The following AKR1C3 variants were observed in gnomAD, a reference collection of about 807,000 sequenced individuals.
AKR1C3 encodes the protein aldo-keto reductase family 1 member C3.
In AKR1C3, 48 loss-of-function variants were observed where a neutral mutation model predicts 43.6. That is an observed-to-expected ratio of 1.10 (90% CI 0.87 to 1.40). AKR1C3 has a LOEUF of 1.40. Ranked by LOEUF, AKR1C3 falls within the 40% of genes most tolerant of loss-of-function variation. The pLI is 0.00. For synonymous variants in AKR1C3, 162 were observed against 139.6 expected (o/e 1.16, Z -1.13); for missense variants, 482 against 391.2 (o/e 1.23, Z -1.96).
At chr10:5,096,652 A>G (rs1379957687) in intron 2 of AKR1C3, 75 bp downstream of exon 2, 32 of 1,499,228 alleles carry the variant, frequency 2.1e-5, no homozygotes, top group Non-Finnish European at 2.6e-5. Flanking sequence ...CTATGACTGG[A>G]TGAGTAGTTG....
chr10:5,092,174 CT>C (rs782347487), upstream of AKR1C3, among the ~76,000 whole-genome samples: 2 of 152,026 alleles, frequency 1.3e-5, no homozygotes, highest in African/African-American at 2.4e-5. Flanking sequence ...ATTTATTGTT[CT>C]GTACATAATA....
intron 1 of AKR1C3, among the ~76,000 whole-genome samples, chr10:5,060,732 G>T (rs1564354649): frequency 6.6e-6 from 1 of 152,140 alleles, no homozygotes; most frequent in Non-Finnish European, 1.5e-5. Context: ...GCGCTGTGGA[G>T]CAGGGGGTGG....
chr10:5,056,830 C>T (rs1258385069), intron 1 of AKR1C3, among the ~76,000 whole-genome samples: 3 of 152,194 alleles, frequency 2.0e-5, no homozygotes, highest in Non-Finnish European at 4.4e-5. Context: ...GTGAAAAGAG[C>T]AAAGTCTCCC....
chr10:5,091,869 A>C (rs1839098105), upstream of AKR1C3, among the ~76,000 whole-genome samples: 1 of 152,128 alleles, frequency 6.6e-6, no homozygotes, highest in Non-Finnish European at 1.5e-5. Context: ...ACATTTTGCC[A>C]TATGTATACC....
chr10:5,086,513 G>C (rs1838968355), intron 1 of AKR1C3, among the ~76,000 whole-genome samples: 1 of 151,738 alleles, frequency 6.6e-6, no homozygotes. Context: ...GTCAATTTTG[G>C]AGTAGGTGTG....
At chr10:5,055,040 G>A (rs781926208) in intron 1 of AKR1C3, among the ~76,000 whole-genome samples, 1 of 152,240 alleles carries the variant, frequency 6.6e-6, no homozygotes, top group Non-Finnish European at 1.5e-5. Context: ...AAGCATACTT[G>A]CTATCTGTAT....
chr10:5,102,368 C>G, intron 6 of AKR1C3, 117 bp from the exon 7 acceptor site: 9 of 1,580,034 alleles, frequency 5.7e-6, no homozygotes, highest in Non-Finnish European at 7.8e-6. Context: ...GATGGTGATG[C>G]TCGGGGGCCT....
chr10:5,062,252 G>A (rs569840752), intron 1 of AKR1C3, among the ~76,000 whole-genome samples: 1 of 152,312 alleles, frequency 6.6e-6, no homozygotes, highest in East Asian at 1.9e-4. Context: ...GCTTTCTCAA[G>A]TCAGGTCTCC....
chr10:5,057,504 G>A (rs1554779734), intron 1 of AKR1C3, among the ~76,000 whole-genome samples: 4 of 148,838 alleles, frequency 2.7e-5, no homozygotes, highest in Admixed American at 2.0e-4. Flanking sequence ...AGAATCAATT[G>A]ACCCTCGAGT....
Position 5,102,366 on chromosome 10 carries a change from T to C in AKR1C3, c.681-119T>C, listed in dbSNP as rs975721269. 3.0e-5 allele frequency: 47 copies of C among 1,585,732 alleles called. No homozygotes were observed. In the South Asian group the frequency reaches 4.5e-4, roughly 15 times the overall value. ...AGATCTTGGATGATGCTGATGGTGA[T>C]GCTCGGGGGCCTCGCTTGAGAAGCT... is the stretch of plus-strand genomic sequence containing the variant. On this transcript the variant is annotated intron_variant, in intron 6 of 8. Transcript: ENST00000380554.
At chr10:5,105,463 T>C in intron 7 of AKR1C3, 132 bp from the exon 8 acceptor site, 1 of 631,332 alleles carries the variant, frequency 1.6e-6, no homozygotes, top group East Asian at 2.8e-5. Context: ...ACCTGAGTGT[T>C]TAGAGCTGAC....
intron 1 of AKR1C3, among the ~76,000 whole-genome samples, chr10:5,068,521 A>C (rs11528610): frequency 0.018 from 2,743 of 149,756 alleles, 97 homozygotes; most frequent in African/African-American, 0.06. Flanking sequence ...AAAAAAAAAA[A>C]AAAACACATT....
intron 1 of AKR1C3, among the ~76,000 whole-genome samples, chr10:5,055,609 G>A (rs901023019): frequency 2.6e-5 from 4 of 152,226 alleles, no homozygotes; most frequent in Non-Finnish European, 2.9e-5. Flanking sequence ...ACTTAGGTAC[G>A]CCACTGGTTG....
In AKR1C3 at chr10:5,106,947, A is replaced by AT. The variant is rs1839517573; in HGVS notation, c.930-514_930-513insT. 2.9e-5 allele frequency among the ~76,000 whole-genome samples: 4 copies of AT among 137,548 alleles called. No individual in the cohort carries two copies. The Admixed American group carries it at 3.1e-4, about 11-fold the overall frequency. The allele number at this position is 137,548 out of a possible 152,430, so 90.2% of individuals were successfully genotyped here. On this transcript the variant is annotated intron_variant, in intron 8 of 8. Coordinates refer to ENST00000380554, the MANE Select transcript of AKR1C3 (RefSeq NM_003739.6). ...AAAGGAAACCATGTAAAAGAAAGGAAGAGTAGCGAGCATGAGTAATTCTTA... is the reference window on the plus strand; with the variant it reads ...AAAGGAAACCATGTAAAAGAAAGGAATGAGTAGCGAGCATGAGTAATTCTTA...
chr10:5,069,345 G>C (rs1054806236), intron 1 of AKR1C3, among the ~76,000 whole-genome samples: 3 of 152,128 alleles, frequency 2.0e-5, no homozygotes, highest in Non-Finnish European at 4.4e-5. Flanking sequence ...GAAGAAATTA[G>C]GCAGAGAGAG....
intron 1 of AKR1C3, among the ~76,000 whole-genome samples, chr10:5,083,124 G>A (rs946031005): frequency 1.3e-5 from 2 of 151,742 alleles, no homozygotes; most frequent in Non-Finnish European, 2.9e-5. Flanking sequence ...TGTGCACAAC[G>A]TGCAGGTTTG....
intron 1 of AKR1C3, among the ~76,000 whole-genome samples, chr10:5,065,985 G>T (rs1359418474): frequency 6.6e-6 from 1 of 152,082 alleles, no homozygotes; most frequent in African/African-American, 2.4e-5. Flanking sequence ...GTGGAGGCAG[G>T]GTATCTCCTT....
upstream of AKR1C3, among the ~76,000 whole-genome samples, chr10:5,089,532 A>G (rs1839040902): frequency 6.6e-6 from 1 of 151,698 alleles, no homozygotes; most frequent in African/African-American, 2.4e-5. Context: ...GGTTTAGTCT[A>G]CTCTCAAAGA....
chr10:5,102,808 A>G (rs1218477663), intron 7 of AKR1C3, among the ~76,000 whole-genome samples, 158 bp downstream of exon 7: 1 of 152,166 alleles, frequency 6.6e-6, no homozygotes, highest in Non-Finnish European at 1.5e-5. Flanking sequence ...CTACTCTACC[A>G]CGGGAGAGGC....
Sources: allele counts gnomAD v4.1 joint callset (sites outside exome capture counted in the v4.1 genomes callset), GRCh38; gene constraint gnomAD v4.1.1; transcripts MANE v1.5; gene names NCBI Gene and HGNC (gene_info 2026-07-23, HGNC 2026-07-21).